The following FASTKD2 variants were observed in gnomAD, a reference collection of about 807,000 sequenced individuals.
The protein encoded by FASTKD2 is FAST kinase domain-containing protein 2, mitochondrial.
A neutral mutation model predicts 63.6 loss-of-function variants in FASTKD2; 51 were observed. That is an observed-to-expected ratio of 0.80 (90% CI 0.64 to 1.01). The LOEUF is 1.01. Among genes scored for constraint, FASTKD2 ranks in the 50% least tolerant of loss-of-function variants. The pLI is 0.00. For synonymous variants in FASTKD2, 284 were observed against 293.4 expected, an observed-to-expected ratio of 0.97 and a Z score of 0.33; for missense variants, 786 against 831.1, an observed-to-expected ratio of 0.95 and a Z score of 0.67.
chr2:206,787,728 AT>A (rs1348808070), intron 8 of FASTKD2, among the ~76,000 whole-genome samples: 2 of 152,310 alleles, frequency 1.3e-5, no homozygotes, highest in African/African-American at 4.8e-5. Context: ...GCCTTAAAAC[AT>A]TATCAAGTGC....
At chr2:206,779,879 C>T (rs1342101949) in intron 7 of FASTKD2, among the ~76,000 whole-genome samples, 9 of 151,984 alleles carry the variant, frequency 5.9e-5, no homozygotes, top group African/African-American at 2.2e-4. Flanking sequence ...TGTTTCAATT[C>T]CTTTCTGTTT....
intron 7 of FASTKD2, among the ~76,000 whole-genome samples, chr2:206,778,068 G>T (rs777453590): frequency 6.6e-6 from 1 of 151,824 alleles, no homozygotes; most frequent in South Asian, 2.1e-4. Flanking sequence ...CTAGCTAAAG[G>T]TTTGTCAATT....
chr2:206,778,049 T>G (rs560503504), intron 7 of FASTKD2, among the ~76,000 whole-genome samples: 1 of 152,188 alleles, frequency 6.6e-6, no homozygotes, highest in Admixed American at 6.5e-5. Flanking sequence ...TCTTTCTTTT[T>G]TTGTCAGTCT....
chr2:206,786,719 T>C lies in FASTKD2; in HGVS notation c.1428-14T>C. The C allele has an allele frequency of 1.2e-6, 2 of 1,612,688 alleles. No individual in the cohort carries two copies. The highest frequency in any genetic ancestry group is 1.1e-5 in the South Asian group (1 of 91,048). ...CTGTATATGTTGGGAAACTGACTTT[T>C]CTTTGTTCCCCAGACAGTTCGTGGA... On this transcript the variant is annotated splice_polypyrimidine_tract_variant and intron_variant, in intron 7 of 11. Coordinates refer to ENST00000402774, the MANE Select transcript of FASTKD2 (RefSeq NM_001136193.2).
Position 206,794,122 on chromosome 2 carries a change from A to G in FASTKD2, c.*2320A>G, listed in dbSNP as rs545840093. On this transcript the variant is annotated 3_prime_UTR_variant, in exon 12 of 12. Transcript: ENST00000402774. The stretch of plus-strand genomic sequence containing the variant: ...TACCGTTAGGTCAGTTTTGACGTAC[A>G]TACACACACACACACATCTGTGAAA... Among the ~76,000 whole-genome samples the G allele has an allele frequency of 2.7e-5, 4 of 147,692 alleles. No homozygotes were observed. In the South Asian group the frequency reaches 8.4e-4, roughly 31 times the overall value.
Position 206,782,456 on chromosome 2 carries a change from A to G in FASTKD2, c.1428-4277A>G, listed in dbSNP as rs559569233. ...TTCTAGTTCAGTTTTGACCTTAACT[A>G]TTCATTTGGTCTCAAGCTACTGCTT... On this transcript the variant is annotated intron_variant, in intron 7 of 11. Coordinates refer to ENST00000402774, the MANE Select transcript of FASTKD2 (RefSeq NM_001136193.2). Among the ~76,000 whole-genome samples the G allele has an allele frequency of 1.7e-4, 26 of 152,318 alleles. 1 individual carries two copies. Among genetic ancestry groups the G allele is most frequent in the South Asian group, 1.5e-3 (7 of 4,826 alleles).
intron 7 of FASTKD2, 97 bp from the exon 8 acceptor site, chr2:206,786,636 A>G: frequency 9.6e-7 from 1 of 1,037,064 alleles, no homozygotes; most frequent in Non-Finnish European, 1.5e-6. Flanking sequence ...GTGGATACTT[A>G]CTTGCAAGGC....
intron 7 of FASTKD2, among the ~76,000 whole-genome samples, chr2:206,775,292 G>T (rs1251683775): frequency 6.6e-6 from 1 of 150,550 alleles, no homozygotes; most frequent in African/African-American, 2.4e-5. Flanking sequence ...ATCATACAGG[G>T]ATTCTGCTTT....
Position 206,787,036 on chromosome 2 carries a change from G to T in FASTKD2, c.1594+137G>T, listed in dbSNP as rs1161167509. ...CAGAGCAGGTGTTGCTGTGGAAAGG[G>T]CTGATAATGGTGAAGTCAAAGGATA... On this transcript the variant is annotated intron_variant, in intron 8 of 11. Transcript: ENST00000402774. 1.1e-5 allele frequency: 7 copies of T among 640,162 alleles called. No individual in the cohort carries two copies. In the East Asian group the frequency reaches 1.6e-4, roughly 15 times the overall value. The allele number at this position is 640,162 out of a possible 1,614,324, so 39.7% of individuals were successfully genotyped here.
chr2:206,781,504 C>T (rs987804742), intron 7 of FASTKD2, among the ~76,000 whole-genome samples: 5 of 151,196 alleles, frequency 3.3e-5, no homozygotes, highest in African/African-American at 1.2e-4. Context: ...TTGGTAGAGA[C>T]GGGGTTTCAC....
rs1690355960 is a variant in FASTKD2, at chr2:206,793,541, AT to A, written c.*1742del. Among the ~76,000 whole-genome samples, 1 of 152,112 alleles carries A rather than the reference AT, an allele frequency of 6.6e-6. No homozygotes were observed. The highest frequency in any genetic ancestry group is 1.5e-5 in the Non-Finnish European group (1 of 68,032). ...CTAGTTTTGTATACTTGGCCAAGTGATTTAACCTTATAAGCTTCAGAACAAG... is the reference window on the plus strand; with the variant it reads ...CTAGTTTTGTATACTTGGCCAAGTGATTAACCTTATAAGCTTCAGAACAAG... On this transcript the variant is annotated 3_prime_UTR_variant, in exon 12 of 12. Coordinates refer to ENST00000402774, the MANE Select transcript of FASTKD2 (RefSeq NM_001136193.2).
intron 3 of FASTKD2, 97 bp downstream of exon 3, chr2:206,770,291 G>A: frequency 1.2e-6 from 1 of 819,584 alleles, no homozygotes. Context: ...CTTTCTTGAG[G>A]GGAGGAGGGG....
intron 7 of FASTKD2, among the ~76,000 whole-genome samples, chr2:206,776,861 C>A (rs1689837143): frequency 6.6e-6 from 1 of 152,076 alleles, no homozygotes; most frequent in Non-Finnish European, 1.5e-5. Flanking sequence ...ATAGTGATTG[C>A]ACTGAATCCG....
chr2:206,786,675 C>A, intron 7 of FASTKD2, 58 bp from the exon 8 acceptor site: 2 of 1,420,474 alleles, frequency 1.4e-6, no homozygotes, highest in Non-Finnish European at 2.0e-6. Flanking sequence ...TCTTTGGAAT[C>A]GTTACAGATA....
rs34386348 is a variant in FASTKD2 at position 206,790,691 on chromosome 2, G to GA, written c.2013+12dup. 651 of 1,507,102 alleles carry GA rather than the reference G, an allele frequency of 4.3e-4. 4 individuals are homozygous for GA. The highest frequency in any genetic ancestry group is 4.1e-4 in the Non-Finnish European group (440 of 1,082,574). 93.4% of individuals were successfully genotyped at this position (1,507,102 alleles called of 1,614,324 possible). On this transcript the variant is annotated splice_donor_region_variant and intron_variant, in intron 11 of 11. Transcript: ENST00000402774. ...ATGGGTTTTCATGTGATCTTGGTGAGAAAAAAATGCAAATGAAATATTCTT... is the reference window on the plus strand; with the variant it reads ...ATGGGTTTTCATGTGATCTTGGTGAGAAAAAAAATGCAAATGAAATATTCTT...
At chr2:206,790,914 G>C (rs892771416) in intron 11 of FASTKD2, 2 of 490,392 alleles carry the variant, frequency 4.1e-6, no homozygotes, top group Non-Finnish European at 3.7e-6. Flanking sequence ...ATGTTGTTCT[G>C]GTCAGCTTTA....
chr2:206,790,173 A>G (rs1460764751), intron 10 of FASTKD2: 1 of 159,602 alleles, frequency 6.3e-6, no homozygotes, highest in South Asian at 1.8e-4. Context: ...CTGGGAGATG[A>G]TATGTGTAAG....
chr2:206,784,506 T>G lies in FASTKD2; in HGVS notation c.1428-2227T>G, dbSNP rs143952335. Among the ~76,000 whole-genome samples, 333 of 152,378 alleles carry G rather than the reference T, an allele frequency of 2.2e-3. 2 individuals are homozygous for G. The highest frequency in any genetic ancestry group is 7.4e-3 in the African/African-American group (309 of 41,590). The stretch of plus-strand genomic sequence containing the variant: ...TAAATCCAGAGTATCTTGCTGGGCT[T>G]TGAACCCAAGGAACAAATATGTAAC... On this transcript the variant is annotated intron_variant, in intron 7 of 11. Coordinates refer to ENST00000402774, the MANE Select transcript of FASTKD2 (RefSeq NM_001136193.2).
Position 206,766,641 on chromosome 2 carries a change from C to A in FASTKD2, c.-50-3C>A. ...ATTCTTTTCATTACTTCTTCCCCTA[C>A]AGGAAAACGACAGCACGTGTTCTTT... On this transcript the variant is annotated splice_polypyrimidine_tract_variant and splice_region_variant and intron_variant, in intron 1 of 11. Coordinates refer to ENST00000402774, the MANE Select transcript of FASTKD2 (RefSeq NM_001136193.2). The A allele has an allele frequency of 6.9e-7, 1 of 1,451,942 alleles. No individual in the cohort carries two copies. Among genetic ancestry groups the A allele is most frequent in the Non-Finnish European group, 9.7e-7 (1 of 1,033,020 alleles). 89.9% of individuals were successfully genotyped at this position (1,451,942 alleles called of 1,614,324 possible). A position where few individuals can be genotyped will look rare whatever the true frequency, so the allele number is the denominator to read the frequency against.
Sources: gnomAD v4.1 joint callset for allele counts (sites outside exome capture counted in the v4.1 genomes callset) on GRCh38, gnomAD v4.1.1 for gene constraint, MANE v1.5 for transcripts, NCBI Gene and HGNC (gene_info 2026-07-23, HGNC 2026-07-21) for gene names.